Variants in SCHIP1 observed in about 807,000 individuals in gnomAD.
SCHIP1 encodes schwannomin-interacting protein 1.
In SCHIP1, 8 loss-of-function variants were observed where a neutral mutation model predicts 29.7. That is an observed-to-expected ratio of 0.27 (90% confidence interval 0.16 to 0.49). The LOEUF (loss-of-function observed/expected upper bound fraction) is 0.49, where lower values mean the gene tolerates loss of function less well. Among genes scored for constraint, SCHIP1 ranks in the 20% least tolerant of loss-of-function variants. SCHIP1 has a pLI of 0.99. For synonymous variants in SCHIP1, 76 were observed against 94.9 expected (o/e 0.80, Z 1.16); for missense variants, 193 against 294.6 (o/e 0.66, Z 2.52).
upstream of SCHIP1, among the ~76,000 whole-genome samples, chr3:159,836,468 T>C (rs1439910671): frequency 6.6e-6 from 1 of 152,220 alleles, no homozygotes; most frequent in East Asian, 1.9e-4. Context: ...ATATGAAGTT[T>C]GAGGGCACAA....
the SCHIP1 span, among the ~76,000 whole-genome samples, chr3:159,564,937 T>A: frequency 6.6e-6 from 1 of 152,222 alleles, no homozygotes; most frequent in Non-Finnish European, 1.5e-5. Flanking sequence ...ATATGTCTTT[T>A]GGAGAACAGA....
the SCHIP1 span, among the ~76,000 whole-genome samples, chr3:159,687,620 C>G: frequency 2.6e-5 from 4 of 152,108 alleles, no homozygotes; most frequent in Non-Finnish European, 5.9e-5. Flanking sequence ...TTTTTATATA[C>G]TGTAAGTTCT....
chr3:159,540,744 A>G, the SCHIP1 span, among the ~76,000 whole-genome samples: 2 of 152,270 alleles, frequency 1.3e-5, no homozygotes, highest in Non-Finnish European at 2.9e-5. Context: ...ATAAAGGGGA[A>G]GTATAGTTTG....
the SCHIP1 span, among the ~76,000 whole-genome samples, chr3:159,798,436 C>T: frequency 6.6e-6 from 1 of 152,110 alleles, no homozygotes; most frequent in Non-Finnish European, 1.5e-5. Flanking sequence ...TTTTCTTCTT[C>T]ATTATCATGA....
chr3:159,887,705 C>A lies in SCHIP1; in HGVS notation c.268-3C>A. The A allele has an allele frequency of 6.2e-7, 1 of 1,613,864 alleles. No homozygotes were observed. Among genetic ancestry groups the A allele is most frequent in the Non-Finnish European group, 8.5e-7 (1 of 1,179,828 alleles). ...GCTCAGGCTGCTCTTTTTCCCTTTGCAGAGCAAACAGAGTTCTTCCTATTC... is the reference window on the plus strand; with the variant it reads ...GCTCAGGCTGCTCTTTTTCCCTTTGAAGAGCAAACAGAGTTCTTCCTATTC... On this transcript the variant is annotated splice_polypyrimidine_tract_variant and splice_region_variant and intron_variant, in intron 3 of 6. Coordinates refer to ENST00000445224, the Ensembl canonical transcript of SCHIP1.
At chr3:159,750,286 TATATATATATACAC>T in the SCHIP1 span, among the ~76,000 whole-genome samples, 6 of 110,250 alleles carry the variant, frequency 5.4e-5, no homozygotes, top group African/African-American at 2.0e-4. Context: ...TATATATATA[TATATATATATACAC>T]ACACACACAC....
the SCHIP1 span, among the ~76,000 whole-genome samples, chr3:159,705,269 T>A: frequency 6.6e-6 from 1 of 152,164 alleles, no homozygotes; most frequent in South Asian, 2.1e-4. Flanking sequence ...CGGACAACAA[T>A]ACAATATTTT....
upstream of SCHIP1, among the ~76,000 whole-genome samples, chr3:159,837,459 A>G (rs2108995283): frequency 6.6e-6 from 1 of 152,336 alleles, no homozygotes; most frequent in South Asian, 2.1e-4. Context: ...ACGGTGGCTC[A>G]GGCCTGTAAT....
the SCHIP1 span, among the ~76,000 whole-genome samples, chr3:159,275,376 C>A: frequency 1.3e-4 from 20 of 152,100 alleles, 1 homozygote; most frequent in Admixed American, 1.1e-3. Flanking sequence ...ATTTGCAGCC[C>A]CTGATGAACT....
the SCHIP1 span, among the ~76,000 whole-genome samples, chr3:159,568,107 T>C: frequency 6.6e-6 from 1 of 152,088 alleles, no homozygotes; most frequent in Non-Finnish European, 1.5e-5. Flanking sequence ...TGTCACTGTT[T>C]GTTCCTGATG....
chr3:159,504,165 C>T, the SCHIP1 span, among the ~76,000 whole-genome samples: 1 of 152,094 alleles, frequency 6.6e-6, no homozygotes. Flanking sequence ...GATAGGAGCC[C>T]AAACACAGGC....
At chr3:159,676,481 T>G in the SCHIP1 span, among the ~76,000 whole-genome samples, 2 of 152,236 alleles carry the variant, frequency 1.3e-5, no homozygotes, top group Non-Finnish European at 2.9e-5. Context: ...TTTTATTACA[T>G]AGAATACTGA....
the SCHIP1 span, among the ~76,000 whole-genome samples, chr3:159,597,082 A>G: frequency 4.6e-5 from 7 of 152,084 alleles, no homozygotes; most frequent in Non-Finnish European, 5.9e-5. Flanking sequence ...TCTTACCACC[A>G]TCAACTCAGT....
chr3:159,626,125 GA>G, the SCHIP1 span, among the ~76,000 whole-genome samples: 1 of 114,936 alleles, frequency 8.7e-6, no homozygotes, highest in Non-Finnish European at 1.6e-5. Flanking sequence ...TAGATAGATA[GA>G]TAGATAGATA....
At chr3:159,761,766 A>C in the SCHIP1 span, among the ~76,000 whole-genome samples, 1 of 152,252 alleles carries the variant, frequency 6.6e-6, no homozygotes, top group Non-Finnish European at 1.5e-5. Flanking sequence ...TTGAAATGCC[A>C]TGCATTTTTG....
the SCHIP1 span, among the ~76,000 whole-genome samples, chr3:159,546,281 A>C: frequency 6.6e-6 from 1 of 152,124 alleles, no homozygotes; most frequent in Non-Finnish European, 1.5e-5. Context: ...TAATTTTCTT[A>C]ATCCAATTTC....
chr3:159,459,806 G>C, the SCHIP1 span, among the ~76,000 whole-genome samples: 1 of 152,116 alleles, frequency 6.6e-6, no homozygotes, highest in Non-Finnish European at 1.5e-5. Context: ...CAATATGACT[G>C]TGTCCTTATA....
rs1577514165 is a variant in SCHIP1 at position 159,896,719 on chromosome 3, A to G, written c.684-4A>G. The G allele has an allele frequency of 1.9e-6, 3 of 1,601,630 alleles. No homozygotes were observed. The highest frequency in any genetic ancestry group is 1.7e-6 in the Non-Finnish European group (2 of 1,175,608). ...GCTAAATAATTGTATTAATTGTTTT[A>G]CAGACATGCTGAAAGTCAGCAGAAG... On this transcript the variant is annotated splice_polypyrimidine_tract_variant and splice_region_variant and intron_variant, in intron 6 of 6. Transcript: ENST00000445224.
chr3:159,361,262 A>T, the SCHIP1 span, among the ~76,000 whole-genome samples: 1 of 152,232 alleles, frequency 6.6e-6, no homozygotes, highest in African/African-American at 2.4e-5. Context: ...GGCAGTGTAC[A>T]TTTTTAGGGA....
Sources: gnomAD v4.1 joint callset for allele counts (sites outside exome capture counted in the v4.1 genomes callset) on GRCh38, gnomAD v4.1.1 for gene constraint, MANE v1.5 for transcripts, NCBI Gene and HGNC (gene_info 2026-07-23, HGNC 2026-07-21) for gene names.